The following ESR1 variants were observed in gnomAD, a reference collection of about 807,000 sequenced individuals.
ESR1 encodes the protein estrogen receptor.
A neutral mutation model predicts 52.7 loss-of-function variants in ESR1; 12 were observed. That is an observed-to-expected ratio of 0.23 (90% confidence interval 0.15 to 0.37). The LOEUF (loss-of-function observed/expected upper bound fraction) is 0.37. ESR1 is among the 10% of genes least tolerant of loss of function. The probability of loss-of-function intolerance (pLI) is 1.00; values close to 1 mark genes in which losing one functional copy is unlikely to be tolerated. For missense variants in ESR1, 584 were observed against 779.7 expected, an observed-to-expected ratio of 0.75 and a Z score of 2.99; for synonymous variants, 305 against 316.8, an observed-to-expected ratio of 0.96 and a Z score of 0.39.
upstream of ESR1, among the ~76,000 whole-genome samples, chr6:151,806,660 T>A (rs1048036586): frequency 6.6e-6 from 1 of 151,676 alleles, no homozygotes; most frequent in Non-Finnish European, 1.5e-5. Flanking sequence ...ATTCTGCATA[T>A]CCTAGCCCAA....
At chr6:151,888,682 C>G (rs1794252344) in intron 3 of ESR1, among the ~76,000 whole-genome samples, 1 of 151,972 alleles carries the variant, frequency 6.6e-6, no homozygotes, top group South Asian at 2.1e-4. Context: ...CATAATTGCT[C>G]TGGCAGGAAC....
At chr6:152,120,222 C>T (rs140957452) in intron 6 of ESR1, among the ~76,000 whole-genome samples, 1 of 152,134 alleles carries the variant, frequency 6.6e-6, no homozygotes, top group Non-Finnish European at 1.5e-5. Flanking sequence ...TTCCATACCC[C>T]CTGAAGGGCA....
At chr6:151,795,018 T>C (rs549376421) in intron 2 of ESR1, among the ~76,000 whole-genome samples, 2 of 152,306 alleles carry the variant, frequency 1.3e-5, no homozygotes, top group East Asian at 3.9e-4. Context: ...TTGTCAACTA[T>C]GGTCAAAATA....
At chr6:151,784,417 T>C (rs1786825973) in intron 2 of ESR1, among the ~76,000 whole-genome samples, 1 of 152,222 alleles carries the variant, frequency 6.6e-6, no homozygotes, top group Admixed American at 6.5e-5. Flanking sequence ...AGAAGATATG[T>C]TTTTAAATAT....
At chr6:151,960,331 A>G (rs1316948097) in intron 4 of ESR1, among the ~76,000 whole-genome samples, 1 of 152,176 alleles carries the variant, frequency 6.6e-6, no homozygotes, top group Non-Finnish European at 1.5e-5. Flanking sequence ...CTATTTTTGA[A>G]AGTTGACAGG....
chr6:151,932,766 G>A (rs1281021925), intron 3 of ESR1, among the ~76,000 whole-genome samples: 2 of 151,180 alleles, frequency 1.3e-5, no homozygotes, highest in African/African-American at 4.9e-5. Flanking sequence ...ATAGTTGTAG[G>A]TATGCGGCGT....
intron 1 of ESR1, among the ~76,000 whole-genome samples, chr6:151,674,969 T>C (rs1325527879): frequency 6.6e-6 from 1 of 152,226 alleles, no homozygotes; most frequent in African/African-American, 2.4e-5. Flanking sequence ...TTTCAGACCT[T>C]TTATTTTTCA....
intron 3 of ESR1, among the ~76,000 whole-genome samples, chr6:151,903,601 T>C (rs9322341): frequency 0.12 from 17,523 of 152,208 alleles, 1,997 homozygotes; most frequent in African/African-American, 0.28. Context: ...ATTGCTAGAC[T>C]TAATCATCCA....
intron 3 of ESR1, among the ~76,000 whole-genome samples, chr6:151,912,368 T>G (rs1264408187): frequency 6.6e-6 from 1 of 152,224 alleles, no homozygotes; most frequent in Non-Finnish European, 1.5e-5. Context: ...GTGTCTCCCT[T>G]ATTACAGTGT....
intron 1 of ESR1, chr6:151,809,350 C>T (rs1778426924): frequency 3.7e-6 from 1 of 268,234 alleles, no homozygotes; most frequent in Non-Finnish European, 8.1e-6. Context: ...TTTTCTCTTG[C>T]CCAGTTTCTC....
intron 1 of ESR1, among the ~76,000 whole-genome samples, chr6:151,660,188 G>C (rs1158885467): frequency 2.6e-5 from 4 of 152,224 alleles, no homozygotes; most frequent in African/African-American, 7.2e-5. Flanking sequence ...AGGATTGTAA[G>C]ACTTGGGCTG....
intron 6 of ESR1, among the ~76,000 whole-genome samples, chr6:152,109,578 C>T (rs1280396657): frequency 6.6e-6 from 1 of 151,968 alleles, no homozygotes; most frequent in Non-Finnish European, 1.5e-5. Context: ...CCCAGCTTCT[C>T]AGGAGGCTGA....
chr6:151,997,135 C>A (rs191144349), intron 4 of ESR1, among the ~76,000 whole-genome samples: 8 of 150,100 alleles, frequency 5.3e-5, no homozygotes, highest in African/African-American at 1.8e-4. Flanking sequence ...AGCATCTTAC[C>A]GTTCATTGCT....
intron 4 of ESR1, 136 bp downstream of exon 4, chr6:151,944,644 C>A: frequency 1.3e-6 from 1 of 752,154 alleles, no homozygotes; most frequent in Non-Finnish European, 2.3e-6. Context: ...GAGATGTGTT[C>A]ATTTTCAGTA....
At chr6:151,846,385 A>G (rs1175684469) in intron 2 of ESR1, among the ~76,000 whole-genome samples, 2 of 152,230 alleles carry the variant, frequency 1.3e-5, no homozygotes, top group Non-Finnish European at 2.9e-5. Context: ...AAGGGTTTCT[A>G]GTTCTGCTTT....
At chr6:152,058,201 G>A (rs2047257541) in intron 5 of ESR1, among the ~76,000 whole-genome samples, 1 of 144,194 alleles carries the variant, frequency 6.9e-6, no homozygotes, top group Non-Finnish European at 1.5e-5. Flanking sequence ...CTAGAAAGAA[G>A]ATGAACTGCT....
intron 2 of ESR1, among the ~76,000 whole-genome samples, chr6:151,703,218 A>G (rs1246673846): frequency 1.3e-5 from 2 of 152,188 alleles, no homozygotes; most frequent in Non-Finnish European, 2.9e-5. Flanking sequence ...TGCATAAGAA[A>G]TGAAGGTTTC....
intron 5 of ESR1, among the ~76,000 whole-genome samples, chr6:152,017,122 G>A (rs561678965): frequency 6.6e-6 from 1 of 152,262 alleles, no homozygotes; most frequent in African/African-American, 2.4e-5. Context: ...ATTGGCAAAT[G>A]GGGTTTGGTG....
At chr6:152,037,616 G>C (rs1177191668) in intron 5 of ESR1, among the ~76,000 whole-genome samples, 2 of 152,146 alleles carry the variant, frequency 1.3e-5, no homozygotes, top group Admixed American at 1.3e-4. Flanking sequence ...GTGTTAAGTG[G>C]TGATAATTTG....
Sources: allele counts gnomAD v4.1 joint callset (sites outside exome capture counted in the v4.1 genomes callset), GRCh38; gene constraint gnomAD v4.1.1; transcripts MANE v1.5; gene names NCBI Gene and HGNC (gene_info 2026-07-23, HGNC 2026-07-21).